MYO16: variants seen among roughly 807,000 people sequenced by gnomAD.
MYO16 encodes unconventional myosin-XVI.
MYO16 carries 94 observed loss-of-function variants against 205.3 expected under a neutral mutation model. That is an observed-to-expected ratio of 0.46 (90% CI 0.39 to 0.54). MYO16 has a LOEUF of 0.54. Ranked by LOEUF, MYO16 falls within the 20% of genes least tolerant of loss-of-function variation. MYO16 has a pLI of 0.00. For synonymous variants in MYO16, 988 were observed against 954.0 expected (o/e 1.04, Z -0.66); for missense variants, 2,315 against 2,387.5 (o/e 0.97, Z 0.63).
chr13:108,850,270 GA>G (rs780951721), intron 10 of MYO16, among the ~76,000 whole-genome samples: 6 of 152,202 alleles, frequency 3.9e-5, no homozygotes, highest in Non-Finnish European at 5.9e-5. Flanking sequence ...CTCCCAGAGA[GA>G]AATCACAAAC....
chr13:108,776,182 G>A (rs1751911858), intron 4 of MYO16, among the ~76,000 whole-genome samples: 1 of 133,788 alleles, frequency 7.5e-6, no homozygotes, highest in South Asian at 2.6e-4. Context: ...GCTTTCCTAA[G>A]GACACTTACC....
At chr13:108,753,299 G>T (rs1384053904) in intron 4 of MYO16, among the ~76,000 whole-genome samples, 1 of 148,718 alleles carries the variant, frequency 6.7e-6, no homozygotes, top group Non-Finnish European at 1.5e-5. Flanking sequence ...GAAACTGGAA[G>T]GTGGAGGTTG....
intron 2 of MYO16, among the ~76,000 whole-genome samples, chr13:108,681,280 C>T (rs758642325): frequency 4.6e-5 from 7 of 152,180 alleles, no homozygotes; most frequent in Admixed American, 1.3e-4. Flanking sequence ...GGGTCTTTCA[C>T]GTCTCCCTTC....
At chr13:108,776,329 A>T (rs935567078) in intron 4 of MYO16, among the ~76,000 whole-genome samples, 1 of 152,150 alleles carries the variant, frequency 6.6e-6, no homozygotes, top group East Asian at 1.9e-4. Context: ...TTACATAGAG[A>T]GGTGGATACA....
intron 22 of MYO16, among the ~76,000 whole-genome samples, chr13:109,015,457 C>T (rs771151923): frequency 1.4e-4 from 22 of 152,120 alleles, no homozygotes; most frequent in Non-Finnish European, 2.8e-4. Flanking sequence ...GCTTTGGTAT[C>T]AGGATGATGC....
At chr13:108,851,086 A>G (rs1396672371) in intron 10 of MYO16, among the ~76,000 whole-genome samples, 1 of 152,214 alleles carries the variant, frequency 6.6e-6, no homozygotes, top group Non-Finnish European at 1.5e-5. Context: ...CTTAGCATAA[A>G]TCATTACTCC....
At position 109,108,637 on chromosome 13, in the gene MYO16, C is replaced by A. The variant is rs573704913; in HGVS notation, c.3438+7750C>A. 1.8e-4 allele frequency among the ~76,000 whole-genome samples: 27 copies of A among 152,296 alleles called. No individual in the cohort carries two copies. In the South Asian group the frequency reaches 5.0e-3, roughly 28 times the overall value. ...AGTCTGCTGGGGGAGAAACAGTCAG[C>A]TTTAAACTAATAAATAATCACAGGT... is the stretch of plus-strand genomic sequence containing the variant. On this transcript the variant is annotated intron_variant, in intron 28 of 34. Coordinates refer to ENST00000457511, the MANE Select transcript of MYO16 (RefSeq NM_001198950.3).
At chr13:108,886,922 T>C (rs1879926989) in intron 13 of MYO16, among the ~76,000 whole-genome samples, 1 of 152,116 alleles carries the variant, frequency 6.6e-6, no homozygotes, top group African/African-American at 2.4e-5. Context: ...CTTTCAAAAT[T>C]GTGTGTGCTT....
intron 16 of MYO16, among the ~76,000 whole-genome samples, chr13:108,957,383 C>CAAAAAA (rs33954239): frequency 1.5e-4 from 15 of 96,890 alleles, no homozygotes; most frequent in African/African-American, 3.4e-4. Flanking sequence ...AACTCCATCT[C>CAAAAAA]AAAAAAAAAA....
intron 32 of MYO16, among the ~76,000 whole-genome samples, chr13:109,143,859 A>G (rs275948): frequency 0.35 from 53,211 of 152,006 alleles, 9,505 homozygotes; most frequent in East Asian, 0.47. Flanking sequence ...TGAGCCACTT[A>G]TGACTTTCTC....
intron 1 of MYO16, among the ~76,000 whole-genome samples, chr13:108,638,629 CT>C (rs1266513504): frequency 2.0e-5 from 3 of 152,138 alleles, no homozygotes; most frequent in African/African-American, 7.2e-5. Flanking sequence ...GTTTCTGCCC[CT>C]CTCACTTTTC....
At chr13:108,540,445 C>T in the MYO16 span, among the ~76,000 whole-genome samples, 1 of 151,946 alleles carries the variant, frequency 6.6e-6, no homozygotes, top group Non-Finnish European at 1.5e-5. Flanking sequence ...CTTTAAGATG[C>T]CATCCAAAAG....
intron 4 of MYO16, among the ~76,000 whole-genome samples, chr13:108,754,352 G>T (rs1464341172): frequency 6.6e-6 from 1 of 152,212 alleles, no homozygotes; most frequent in Non-Finnish European, 1.5e-5. Context: ...CTAAGAGATT[G>T]CTTAGGGAGA....
chr13:108,838,753 TACACACACACACAAATGCACAC>T (rs1297449764), intron 9 of MYO16, among the ~76,000 whole-genome samples: 6 of 76,902 alleles, frequency 7.8e-5, no homozygotes, highest in Non-Finnish European at 1.2e-4. Flanking sequence ...TATATATATA[TACACACACACACAAATGCACAC>T]ACACACACAC....
upstream of MYO16, among the ~76,000 whole-genome samples, chr13:108,592,935 C>G (rs1050513775): frequency 6.6e-6 from 1 of 152,006 alleles, no homozygotes; most frequent in South Asian, 2.1e-4. Context: ...GTACTCTTCT[C>G]CAGAGAAAAT....
At chr13:108,873,231 T>A (rs1879150893) in intron 12 of MYO16, among the ~76,000 whole-genome samples, 1 of 152,148 alleles carries the variant, frequency 6.6e-6, no homozygotes, top group Admixed American at 6.5e-5. Flanking sequence ...AAGAAAAAAA[T>A]AAAACATTAA....
chr13:108,701,771 C>T lies in MYO16; in HGVS notation c.293-10890C>T, dbSNP rs936568925. ...TTACTAGAGAGGGATTTTGAATAAA[C>T]GATCATAAAAATGTTCAAATAACTA... is the stretch of plus-strand genomic sequence containing the variant. On this transcript the variant is annotated intron_variant, in intron 2 of 34. Transcript: ENST00000457511. Among the ~76,000 whole-genome samples, 35 of 151,666 alleles carry T rather than the reference C, an allele frequency of 2.3e-4. 1 individual carries two copies. The highest frequency in any genetic ancestry group is 1.1e-3 in the Admixed American group (16 of 15,204).
At chr13:108,678,060 G>A (rs1485702586) in intron 2 of MYO16, among the ~76,000 whole-genome samples, 4 of 152,192 alleles carry the variant, frequency 2.6e-5, no homozygotes, top group South Asian at 2.1e-4. Flanking sequence ...CTCTGACAGT[G>A]CCACCATAGT....
intron 21 of MYO16, among the ~76,000 whole-genome samples, chr13:108,995,596 C>T (rs1884976974): frequency 6.6e-6 from 1 of 152,086 alleles, no homozygotes; most frequent in African/African-American, 2.4e-5. Flanking sequence ...CCCCTCTCCC[C>T]ACTCCACAAC....
Sources: gnomAD v4.1 joint callset for allele counts (sites outside exome capture counted in the v4.1 genomes callset) on GRCh38, gnomAD v4.1.1 for gene constraint, MANE v1.5 for transcripts, NCBI Gene and HGNC (gene_info 2026-07-23, HGNC 2026-07-21) for gene names.